The following ODAD2 variants were observed in gnomAD, a reference collection of about 807,000 sequenced individuals.
ODAD2 encodes outer dynein arm docking complex subunit 2.
Under a neutral mutation model 106.8 loss-of-function variants are expected in ODAD2, and 89 were observed. The ratio of observed to expected loss-of-function variants is 0.83; its 90% CI spans 0.70 to 0.99. ODAD2 has a LOEUF of 0.99. ODAD2 is among the 50% of genes least tolerant of loss of function. ODAD2 has a pLI of 0.00. For synonymous variants in ODAD2, 404 were observed against 436.2 expected (o/e 0.93, Z 0.92); for missense variants, 1,168 against 1,238.5 (o/e 0.94, Z 0.85).
chr10:27,885,818 A>G (rs1421767680), intron 17 of ODAD2, among the ~76,000 whole-genome samples: 1 of 95,054 alleles, frequency 1.1e-5, no homozygotes, highest in African/African-American at 4.3e-5. Flanking sequence ...TATATTATAT[A>G]TAATATATAA....
At chr10:27,937,704 C>T (rs1846090552) in intron 14 of ODAD2, among the ~76,000 whole-genome samples, 1 of 152,138 alleles carries the variant, frequency 6.6e-6, no homozygotes, top group Non-Finnish European at 1.5e-5. Flanking sequence ...TGTCATGTGT[C>T]ACCCATGGAG....
chr10:27,826,525 G>T (rs1837056573), intron 19 of ODAD2, among the ~76,000 whole-genome samples: 1 of 151,848 alleles, frequency 6.6e-6, no homozygotes, highest in Admixed American at 6.6e-5. Context: ...TACTTGGTGG[G>T]GAAAATAGAA....
chr10:27,825,842 G>T (rs1836998254), intron 19 of ODAD2, among the ~76,000 whole-genome samples: 1 of 152,148 alleles, frequency 6.6e-6, no homozygotes, highest in South Asian at 2.1e-4. Flanking sequence ...CACAATAAGT[G>T]GAACAGTAGC....
At chr10:27,836,487 T>G (rs540447805) in intron 19 of ODAD2, among the ~76,000 whole-genome samples, 1 of 152,356 alleles carries the variant, frequency 6.6e-6, no homozygotes, top group East Asian at 1.9e-4. Context: ...TATACTAATA[T>G]GTAAACATAT....
At chr10:27,818,272 G>T (rs1054717977) in intron 19 of ODAD2, among the ~76,000 whole-genome samples, 6 of 151,862 alleles carry the variant, frequency 4.0e-5, no homozygotes, top group Admixed American at 3.9e-4. Context: ...GGATTGACTT[G>T]ATCCTTTGAT....
intron 7 of ODAD2, 24 bp downstream of exon 7, chr10:27,981,442 C>T: frequency 1.4e-6 from 2 of 1,467,776 alleles, no homozygotes; most frequent in Non-Finnish European, 1.8e-6. Flanking sequence ...GCTATGAAAG[C>T]TCAAAAGAAA....
At chr10:27,856,687 T>C (rs1839676524) in intron 19 of ODAD2, among the ~76,000 whole-genome samples, 1 of 152,114 alleles carries the variant, frequency 6.6e-6, no homozygotes, top group Non-Finnish European at 1.5e-5. Flanking sequence ...AACCGAGACA[T>C]ACTAGAAAAC....
chr10:27,923,995 A>AG, intron 16 of ODAD2, among the ~76,000 whole-genome samples: 2 of 140,542 alleles, frequency 1.4e-5, no homozygotes, highest in African/African-American at 5.4e-5. Context: ...AGAAAGAAAG[A>AG]AAGAAAGAAA....
intron 16 of ODAD2, among the ~76,000 whole-genome samples, chr10:27,920,793 T>A (rs891384119): frequency 6.6e-6 from 1 of 151,994 alleles, no homozygotes; most frequent in African/African-American, 2.4e-5. Flanking sequence ...CTCTTCTGTA[T>A]ACAAACAAGC....
At chr10:27,899,489 G>A (rs1843055053) in intron 17 of ODAD2, among the ~76,000 whole-genome samples, 3 of 152,096 alleles carry the variant, frequency 2.0e-5, no homozygotes, top group Non-Finnish European at 2.9e-5. Flanking sequence ...TGGAAAGGAG[G>A]CTGAAGCCAG....
At chr10:27,854,847 T>C (rs1007847935) in intron 19 of ODAD2, among the ~76,000 whole-genome samples, 1 of 152,090 alleles carries the variant, frequency 6.6e-6, no homozygotes, top group Non-Finnish European at 1.5e-5. Flanking sequence ...AAAGAGTTGA[T>C]TGAGCCACAT....
At chr10:27,876,688 CA>C (rs1396537845) in intron 17 of ODAD2, among the ~76,000 whole-genome samples, 1 of 152,156 alleles carries the variant, frequency 6.6e-6, no homozygotes, top group Non-Finnish European at 1.5e-5. Flanking sequence ...TACTTATAGG[CA>C]GGAGTCATCA....
rs538893137 is a variant in ODAD2 at position 27,823,053 on chromosome 10, AATGACTTG to A, written c.3022-10436_3022-10429del. Among the ~76,000 whole-genome samples the A allele has an allele frequency of 1.4e-3, 214 of 152,206 alleles. 2 individuals carry two copies. Among genetic ancestry groups the A allele is most frequent in the African/African-American group, 5.0e-3 (207 of 41,538 alleles). On this transcript the variant is annotated intron_variant, in intron 19 of 19. Transcript: ENST00000305242. Reference sequence around the variant, plus strand: ...TCTTCTAAAAATGCTAGAAATGGAGAATGACTTGATGACTGGCTGGGTCAGGGAATTGT... The same window carrying A: ...TCTTCTAAAAATGCTAGAAATGGAGAATGACTGGCTGGGTCAGGGAATTGT...
intron 19 of ODAD2, among the ~76,000 whole-genome samples, chr10:27,851,551 C>A (rs1839265377): frequency 6.6e-6 from 1 of 151,490 alleles, no homozygotes; most frequent in Non-Finnish European, 1.5e-5. Flanking sequence ...ATGTAAAACA[C>A]ACTAGATGGC....
intron 17 of ODAD2, among the ~76,000 whole-genome samples, chr10:27,899,434 C>G (rs1337523094): frequency 6.6e-6 from 1 of 151,990 alleles, no homozygotes; most frequent in Admixed American, 6.6e-5. Context: ...TTTTCATACC[C>G]CAGTGGTGCC....
At chr10:27,927,606 ACCT>A (rs1053605564) in intron 16 of ODAD2, among the ~76,000 whole-genome samples, 53 of 152,114 alleles carry the variant, frequency 3.5e-4, no homozygotes, top group Non-Finnish European at 7.4e-4. Flanking sequence ...GGATTCACTA[ACCT>A]CCTTGTTGCA....
At chr10:27,918,552 C>T (rs767669816) in intron 16 of ODAD2, among the ~76,000 whole-genome samples, 10 of 151,774 alleles carry the variant, frequency 6.6e-5, no homozygotes, top group Non-Finnish European at 1.3e-4. Context: ...GAAACTTTTT[C>T]AATCTGATAA....
At chr10:27,954,774 G>T (rs1330980281) in intron 10 of ODAD2, among the ~76,000 whole-genome samples, 1 of 152,164 alleles carries the variant, frequency 6.6e-6, no homozygotes, top group Non-Finnish European at 1.5e-5. Context: ...ACGGAGAGGA[G>T]CCTCTCCATT....
intron 19 of ODAD2, among the ~76,000 whole-genome samples, chr10:27,848,042 G>T (rs1463250918): frequency 6.6e-6 from 1 of 152,156 alleles, no homozygotes; most frequent in Admixed American, 6.5e-5. Context: ...AGCTACCAAT[G>T]TCTTTCTTCA....
Sources: gnomAD v4.1 joint callset for allele counts (sites outside exome capture counted in the v4.1 genomes callset) on GRCh38, gnomAD v4.1.1 for gene constraint, MANE v1.5 for transcripts, NCBI Gene and HGNC (gene_info 2026-07-23, HGNC 2026-07-21) for gene names.